Variants in MECOM observed in about 807,000 individuals in gnomAD.
MECOM encodes histone-lysine N-methyltransferase MECOM.
Under a neutral mutation model 116.3 loss-of-function variants are expected in MECOM, and 13 were observed. The ratio of observed to expected loss-of-function variants is 0.11; its 90% confidence interval spans 0.07 to 0.18. MECOM has a LOEUF of 0.18. Ranked by LOEUF, MECOM falls within the 10% of genes least tolerant of loss-of-function variation. MECOM has a pLI of 1.00. For missense variants in MECOM, 1,299 were observed against 1,509.0 expected (o/e 0.86, Z 2.31); for synonymous variants, 528 against 535.2 (o/e 0.99, Z 0.19).
intron 2 of MECOM, among the ~76,000 whole-genome samples, chr3:169,288,188 TG>T (rs1391051327): frequency 3.3e-5 from 5 of 151,174 alleles, no homozygotes; most frequent in Admixed American, 6.6e-5. Context: ...GTTTTACACT[TG>T]GGGGGTAGGG....
intron 1 of MECOM, among the ~76,000 whole-genome samples, chr3:169,619,862 C>G (rs1236217275): frequency 6.6e-6 from 1 of 152,194 alleles, no homozygotes; most frequent in Non-Finnish European, 1.5e-5. Context: ...CATAAACGTG[C>G]AGAGGCTGAG....
intron 1 of MECOM, among the ~76,000 whole-genome samples, chr3:169,641,252 C>A (rs1211375751): frequency 6.6e-6 from 1 of 152,178 alleles, no homozygotes; most frequent in African/African-American, 2.4e-5. Context: ...GGAGGCACAG[C>A]AGTGAGAAGT....
intron 1 of MECOM, among the ~76,000 whole-genome samples, chr3:169,424,820 T>TC (rs566725105): frequency 8.4e-4 from 128 of 152,290 alleles, no homozygotes; most frequent in African/African-American, 3.0e-3. Flanking sequence ...ACATACTAGT[T>TC]CTAACTATCT....
chr3:169,313,459 G>C (rs75716124), intron 2 of MECOM, among the ~76,000 whole-genome samples: 2 of 152,210 alleles, frequency 1.3e-5, no homozygotes, highest in Non-Finnish European at 2.9e-5. Flanking sequence ...ATACTACAGA[G>C]AGAGGGCAGA....
intron 1 of MECOM, among the ~76,000 whole-genome samples, chr3:169,549,764 T>C (rs940596445): frequency 6.6e-6 from 1 of 152,222 alleles, no homozygotes; most frequent in African/African-American, 2.4e-5. Flanking sequence ...CTGAAATAAG[T>C]GTTCCTGTGA....
intron 2 of MECOM, among the ~76,000 whole-genome samples, chr3:169,304,275 G>T (rs186425565): frequency 6.6e-5 from 10 of 152,256 alleles, no homozygotes; most frequent in Admixed American, 5.2e-4. Context: ...TGTTCAGCTG[G>T]TGAATTAATA....
At chr3:169,645,600 A>G (rs77782205) in intron 1 of MECOM, among the ~76,000 whole-genome samples, 6,770 of 152,294 alleles carry the variant, frequency 0.044, 266 homozygotes, top group African/African-American at 0.098. Context: ...CTCTTTGATG[A>G]AGTTTCCCCA....
intron 1 of MECOM, among the ~76,000 whole-genome samples, chr3:169,622,393 G>A (rs1196927510): frequency 2.6e-5 from 4 of 152,070 alleles, no homozygotes; most frequent in Non-Finnish European, 2.9e-5. Flanking sequence ...GTGCCCAGCC[G>A]CCAACAGAAT....
At chr3:169,285,725 A>T (rs776801809) in intron 2 of MECOM, among the ~76,000 whole-genome samples, 3 of 152,176 alleles carry the variant, frequency 2.0e-5, no homozygotes, top group Non-Finnish European at 4.4e-5. Context: ...TAGGCTGCAC[A>T]ATCCGTAACA....
At chr3:169,500,209 T>C (rs1017548420) in intron 1 of MECOM, among the ~76,000 whole-genome samples, 3 of 152,074 alleles carry the variant, frequency 2.0e-5, no homozygotes, top group African/African-American at 7.2e-5. Context: ...ATCTGAAAGT[T>C]AAATAAAACT....
At position 169,663,471 on chromosome 3, in the gene MECOM, C is replaced by CCTCTCTCTCTCT; in HGVS notation, c.-100_-99insAGAGAGAGAGAG. On this transcript the variant is annotated 5_prime_UTR_variant, in exon 1 of 17. Transcript: ENST00000651503. ...TCCCTCTCGCTCCCTCCCTCTCTCT[C>CCTCTCTCTCTCT]CTGTCTCTCTCTCTCTCTCTCTCTC... 1 of 1,034,280 alleles carries CCTCTCTCTCTCT rather than the reference C, an allele frequency of 9.7e-7. No individual in the cohort carries two copies. The highest frequency in any genetic ancestry group is 1.4e-6 in the Non-Finnish European group (1 of 716,296). 64.1% of individuals were successfully genotyped at this position (1,034,280 alleles called of 1,614,324 possible).
At chr3:169,131,376 C>A (rs767161056) in intron 4 of MECOM, 53 bp downstream of exon 4, 2 of 1,447,256 alleles carry the variant, frequency 1.4e-6, no homozygotes, top group Non-Finnish European at 1.9e-6. Flanking sequence ...TTCGATGCTA[C>A]TTTATAGTCG....
intron 1 of MECOM, among the ~76,000 whole-genome samples, chr3:169,581,420 C>A (rs1003780184): frequency 5.3e-5 from 8 of 152,044 alleles, no homozygotes; most frequent in Admixed American, 1.3e-4. Context: ...CCATGATAGT[C>A]TTTATTTTCT....
chr3:169,367,382 G>A (rs1729368727), intron 2 of MECOM, among the ~76,000 whole-genome samples: 1 of 151,282 alleles, frequency 6.6e-6, no homozygotes, highest in South Asian at 2.1e-4. Flanking sequence ...AGAAGTTGAT[G>A]GACCTTAAAC....
intron 10 of MECOM, among the ~76,000 whole-genome samples, chr3:169,102,601 G>A (rs1219961121): frequency 4.6e-5 from 7 of 152,094 alleles, no homozygotes; most frequent in Admixed American, 3.3e-4. Context: ...GAAATTATAG[G>A]AAAAGTTGCT....
chr3:169,219,486 G>T (rs995580489), intron 2 of MECOM, among the ~76,000 whole-genome samples: 2 of 152,144 alleles, frequency 1.3e-5, no homozygotes, highest in Non-Finnish European at 2.9e-5. Flanking sequence ...CAGCCTGGGC[G>T]ACAGAGCGAG....
Position 169,238,090 on chromosome 3 carries a change from G to A in MECOM, c.376-94258C>T, listed in dbSNP as rs1014437628. ...GTCTGGAGGCTGAGGCAGGAGAATC[G>A]CTTGAACCCAGGGGGCAAAGGTTGG... On this transcript the variant is annotated intron_variant, in intron 2 of 16. Transcript: ENST00000651503. Among the ~76,000 whole-genome samples, 4 of 149,584 alleles carry A rather than the reference G, an allele frequency of 2.7e-5. No homozygotes were observed. The East Asian group carries it at 5.9e-4, about 22-fold the overall frequency.
At chr3:169,479,533 C>T (rs1017338122) in intron 1 of MECOM, among the ~76,000 whole-genome samples, 1 of 151,526 alleles carries the variant, frequency 6.6e-6, no homozygotes, top group South Asian at 2.1e-4. Flanking sequence ...ACGGCCTTCA[C>T]ATGCCTCTGC....
intron 1 of MECOM, among the ~76,000 whole-genome samples, chr3:169,437,741 G>A (rs1037286701): frequency 1.3e-5 from 2 of 152,178 alleles, no homozygotes; most frequent in African/African-American, 4.8e-5. Context: ...CTCTCCAGGT[G>A]CTAAAGGGGG....
Sources: gnomAD v4.1 joint callset for allele counts (sites outside exome capture counted in the v4.1 genomes callset) on GRCh38, gnomAD v4.1.1 for gene constraint, MANE v1.5 for transcripts, NCBI Gene and HGNC (gene_info 2026-07-23, HGNC 2026-07-21) for gene names.